Variants in GRM8 observed in about 807,000 individuals in gnomAD.
The protein encoded by GRM8 is metabotropic glutamate receptor 8.
In GRM8, 47 loss-of-function variants were observed where a neutral mutation model predicts 87.2. The ratio of observed to expected loss-of-function variants is 0.54; its 90% CI spans 0.43 to 0.69. The LOEUF (loss-of-function observed/expected upper bound fraction) is 0.69, where lower values mean the gene tolerates loss of function less well. Ranked by LOEUF, GRM8 falls within the 30% of genes least tolerant of loss-of-function variation. The pLI, the probability that GRM8 is intolerant of heterozygous loss-of-function variation, is 0.00. For synonymous variants in GRM8, 396 were observed against 404.5 expected (o/e 0.98, Z 0.25); for missense variants, 1,019 against 1,139.2 (o/e 0.89, Z 1.52).
intron 8 of GRM8, among the ~76,000 whole-genome samples, chr7:126,535,347 G>A (rs78950234): frequency 3.1e-3 from 475 of 152,288 alleles, no homozygotes; most frequent in Non-Finnish European, 5.1e-3. Context: ...GCACTCCAGT[G>A]TCACTGATGC....
intron 6 of GRM8, among the ~76,000 whole-genome samples, chr7:126,854,884 T>C (rs1241404864): frequency 6.6e-6 from 1 of 152,206 alleles, no homozygotes; most frequent in Non-Finnish European, 1.5e-5. Flanking sequence ...ACAGCAACAA[T>C]TTTGACTTTC....
chr7:126,786,651 A>C (rs1215227270), intron 6 of GRM8, among the ~76,000 whole-genome samples: 1 of 152,200 alleles, frequency 6.6e-6, no homozygotes, highest in East Asian at 1.9e-4. Flanking sequence ...ACCTCATGGC[A>C]TCCCCTTGTC....
intron 3 of GRM8, among the ~76,000 whole-genome samples, chr7:126,964,665 G>T (rs1563360603): frequency 6.6e-6 from 1 of 152,230 alleles, no homozygotes; most frequent in African/African-American, 2.4e-5. Context: ...AACAACAGAT[G>T]CTGGAAAAGA....
intron 7 of GRM8, among the ~76,000 whole-genome samples, chr7:126,768,807 G>A (rs1818494533): frequency 6.6e-6 from 1 of 151,756 alleles, no homozygotes; most frequent in Admixed American, 6.6e-5. Flanking sequence ...ACTCCTGTTA[G>A]TGTTCATATT....
At chr7:126,581,585 T>C (rs1171945156) in intron 8 of GRM8, among the ~76,000 whole-genome samples, 1 of 152,136 alleles carries the variant, frequency 6.6e-6, no homozygotes, top group Non-Finnish European at 1.5e-5. Context: ...GTTTACTCTA[T>C]ACAAATAAAA....
chr7:126,761,355 G>A (rs1022417487), intron 7 of GRM8, among the ~76,000 whole-genome samples: 4 of 152,032 alleles, frequency 2.6e-5, no homozygotes, highest in African/African-American at 9.7e-5. Flanking sequence ...ATACTTCTTT[G>A]GTTTCTAGTC....
rs568638070 is a variant in GRM8, at chr7:126,601,065, A to G, written c.1494+8297T>C. On this transcript the variant is annotated intron_variant, in intron 8 of 10. Coordinates refer to ENST00000339582, the MANE Select transcript of GRM8 (RefSeq NM_000845.3). ...CATCTAGCATTAGGTATATCTCCCA[A>G]TGCTATCCCTCTCCCCTCCCCCCAC... Among the ~76,000 whole-genome samples the G allele has an allele frequency of 1.0e-4, 15 of 149,708 alleles. 1 individual carries two copies. The highest frequency in any genetic ancestry group is 8.7e-4 in the South Asian group (4 of 4,620).
rs1808118550 is a variant in GRM8, at chr7:126,685,792, GC to G, written c.1358-76295del. ...GTCTGGGTGCGATGAATGGTGACAG[GC>G]GGCAGACAGGCTCCTGGGCAGAAGG... is the stretch of plus-strand genomic sequence containing the variant. On this transcript the variant is annotated intron_variant, in intron 7 of 10. Transcript: ENST00000339582. The surrounding 1 kb of genome is among the most constrained non-coding windows in gnomAD (Gnocchi z 4.2). Among the ~76,000 whole-genome samples, 1 of 152,012 alleles carries G rather than the reference GC, an allele frequency of 6.6e-6. No individual in the cohort carries two copies. The highest frequency in any genetic ancestry group is 1.5e-5 in the Non-Finnish European group (1 of 67,972).
rs78262671 is a variant in GRM8 at position 126,975,684 on chromosome 7, A to C, written c.728-71001T>G. On this transcript the variant is annotated intron_variant, in intron 3 of 10. Coordinates refer to ENST00000339582, the MANE Select transcript of GRM8 (RefSeq NM_000845.3). The stretch of plus-strand genomic sequence containing the variant: ...ACAGAACAGGACAAGATCTTATGAC[A>C]GTTTTATTTGGGAGCTCAGAATTTC... Among the ~76,000 whole-genome samples, 940 of 152,314 alleles carry C rather than the reference A, an allele frequency of 6.2e-3. 11 individuals carry two copies. Among genetic ancestry groups the C allele is most frequent in the African/African-American group, 0.021 (883 of 41,572 alleles).
intron 7 of GRM8, among the ~76,000 whole-genome samples, chr7:126,738,951 T>C (rs969012487): frequency 4.0e-5 from 6 of 151,790 alleles, no homozygotes; most frequent in Admixed American, 1.3e-4. Context: ...ACAACATAAC[T>C]TAGGATGAGC....
At chr7:126,965,892 A>AT (rs111913361) in intron 3 of GRM8, among the ~76,000 whole-genome samples, 230 of 149,742 alleles carry the variant, frequency 1.5e-3, no homozygotes, top group African/African-American at 4.2e-3. Flanking sequence ...AAATTGAGTG[A>AT]TTTTTTTTTT....
At chr7:127,206,831 G>A (rs184392765) in intron 2 of GRM8, among the ~76,000 whole-genome samples, 4 of 152,278 alleles carry the variant, frequency 2.6e-5, no homozygotes, top group South Asian at 2.1e-4. Flanking sequence ...TGGTTACCTC[G>A]GACATTCCTA....
At chr7:127,029,637 C>T (rs1263070100) in intron 3 of GRM8, among the ~76,000 whole-genome samples, 3 of 149,394 alleles carry the variant, frequency 2.0e-5, no homozygotes, top group African/African-American at 7.5e-5. Flanking sequence ...TCTGTTTTAT[C>T]AGAGACCAGG....
chr7:127,132,980 TAACAAGCTG>T (rs1827768482), intron 2 of GRM8, among the ~76,000 whole-genome samples: 1 of 152,162 alleles, frequency 6.6e-6, no homozygotes, highest in African/African-American at 2.4e-5. Context: ...AAAAAGCAGA[TAACAAGCTG>T]GGCACAGTGG....
chr7:126,518,529 A>G (rs1160099933), intron 9 of GRM8, among the ~76,000 whole-genome samples: 1 of 152,076 alleles, frequency 6.6e-6, no homozygotes, highest in Admixed American at 6.6e-5. Flanking sequence ...AAACATAAAC[A>G]TATGGTTATC....
intron 3 of GRM8, among the ~76,000 whole-genome samples, chr7:127,075,542 C>T (rs1822169138): frequency 6.6e-6 from 1 of 152,038 alleles, no homozygotes; most frequent in Non-Finnish European, 1.5e-5. Flanking sequence ...CATCTAACAA[C>T]AGAGAAATCA....
chr7:126,812,354 G>T (rs2151741872), intron 6 of GRM8, among the ~76,000 whole-genome samples: 1 of 152,032 alleles, frequency 6.6e-6, no homozygotes, highest in South Asian at 2.1e-4. Context: ...AGGTGGTATA[G>T]CTTACTACAC....
At chr7:126,921,303 A>G (rs1367309773) in intron 3 of GRM8, among the ~76,000 whole-genome samples, 1 of 152,172 alleles carries the variant, frequency 6.6e-6, no homozygotes, top group African/African-American at 2.4e-5. Flanking sequence ...AAGAGCAAGT[A>G]GAGAAAACAT....
chr7:127,076,696 A>G (rs1822301710), intron 3 of GRM8, among the ~76,000 whole-genome samples: 1 of 152,180 alleles, frequency 6.6e-6, no homozygotes, highest in South Asian at 2.1e-4. Context: ...CCAAGCTGTT[A>G]CAGGGCCATT....
Sources: allele counts gnomAD v4.1 joint callset (sites outside exome capture counted in the v4.1 genomes callset), GRCh38; gene constraint gnomAD v4.1.1; non-coding constraint Gnocchi (gnomAD v3.1); transcripts MANE v1.5; gene names NCBI Gene and HGNC (gene_info 2026-07-23, HGNC 2026-07-21).